CBR4: variants seen among roughly 807,000 people sequenced by gnomAD.
CBR4 encodes 3-oxoacyl-[acyl-carrier-protein] reductase.
A neutral mutation model predicts 21.0 loss-of-function variants in CBR4; 22 were observed. That is an observed-to-expected ratio of 1.05 (90% confidence interval 0.75 to 1.50). The LOEUF (loss-of-function observed/expected upper bound fraction) is 1.50. Ranked by LOEUF, CBR4 falls within the 40% of genes most tolerant of loss-of-function variation. The pLI is 0.00. For synonymous variants in CBR4, 100 were observed against 104.4 expected, an observed-to-expected ratio of 0.96 and a Z score of 0.26; for missense variants, 302 against 286.3, an observed-to-expected ratio of 1.05 and a Z score of -0.40.
intron 2 of CBR4, among the ~76,000 whole-genome samples, chr4:168,973,472 C>G (rs1764275690): frequency 6.6e-6 from 1 of 152,184 alleles, no homozygotes; most frequent in Non-Finnish European, 1.5e-5. Context: ...GGATTACAGG[C>G]ACCTGCCACC....
Position 168,924,275 on chromosome 4 carries a change from C to G in CBR4, n.170-29510G>C, listed in dbSNP as rs1762157666. 6.2e-7 allele frequency: 1 copy of G among 1,613,946 alleles called. No homozygotes were observed. The highest frequency in any genetic ancestry group is 1.1e-5 in the South Asian group (1 of 91,082). On this transcript the variant is annotated intron_variant and non_coding_transcript_variant, in intron 2 of 3. Transcript: ENST00000509108. The stretch of plus-strand genomic sequence containing the variant: ...CTTAGCTAAAGAAGCACACAAACCC[C>G]CTGTGTTTATTGAGAAGCTCCAAAA...
chr4:168,987,387 C>CA (rs993034726), downstream of CBR4, among the ~76,000 whole-genome samples: 3 of 152,164 alleles, frequency 2.0e-5, no homozygotes, highest in Non-Finnish European at 2.9e-5. Context: ...CCAATATACT[C>CA]AGAGATGAGT....
rs1456371399 is a variant in CBR4, at chr4:168,989,286, C to CAGGAT, written c.*863_*864insATCCT. ...CTAAGTTTTTCATGAATAAAAAACACATCCTAAGTTCATGAAATCTGTGCG... is the reference window on the plus strand; with the variant it reads ...CTAAGTTTTTCATGAATAAAAAACACAGGATATCCTAAGTTCATGAAATCTGTGCG... On this transcript the variant is annotated 3_prime_UTR_variant, in exon 5 of 5. Coordinates refer to ENST00000306193, the MANE Select transcript of CBR4 (RefSeq NM_032783.5). 2.7e-5 allele frequency: 27 copies of CAGGAT among 985,224 alleles called. No individual in the cohort carries two copies. The African/African-American group carries it at 4.5e-4, about 17-fold the overall frequency. The allele number at this position is 985,224 out of a possible 1,614,324, so 61.0% of individuals were successfully genotyped here.
chr4:168,999,051 C>A (rs1315385860), intron 4 of CBR4, among the ~76,000 whole-genome samples: 3 of 152,010 alleles, frequency 2.0e-5, no homozygotes, highest in African/African-American at 4.8e-5. Flanking sequence ...AATATTATTT[C>A]TAATATTCAA....
intron 2 of CBR4, among the ~76,000 whole-genome samples, chr4:168,895,743 C>G (rs1172799328): frequency 6.6e-6 from 1 of 152,118 alleles, no homozygotes; most frequent in African/African-American, 2.4e-5. Flanking sequence ...TGGACCCATG[C>G]AGTTCAAACC....
intron 2 of CBR4, among the ~76,000 whole-genome samples, chr4:168,931,012 C>T (rs1025972395): frequency 6.6e-6 from 1 of 152,188 alleles, no homozygotes; most frequent in Non-Finnish European, 1.5e-5. Flanking sequence ...TGTCATTCCA[C>T]CAAGCACACA....
intron 2 of CBR4, among the ~76,000 whole-genome samples, chr4:168,910,614 G>T (rs1725697442): frequency 6.6e-6 from 1 of 152,126 alleles, no homozygotes. Flanking sequence ...ACACAATGCT[G>T]CCCGGTGCTT....
At chr4:169,006,261 C>A (rs1374875205) in intron 3 of CBR4, among the ~76,000 whole-genome samples, 1 of 152,090 alleles carries the variant, frequency 6.6e-6, no homozygotes, top group African/African-American at 2.4e-5. Context: ...CCTCTATAAT[C>A]CCAGCACTTC....
At chr4:168,963,855 A>G (rs1362333577) in intron 2 of CBR4, among the ~76,000 whole-genome samples, 2 of 152,184 alleles carry the variant, frequency 1.3e-5, no homozygotes, top group African/African-American at 2.4e-5. Flanking sequence ...AAAAGCGCCT[A>G]TGGGAGTATA....
intron 2 of CBR4, among the ~76,000 whole-genome samples, chr4:168,895,065 G>A (rs1197493486): frequency 1.3e-5 from 2 of 152,124 alleles, no homozygotes; most frequent in African/African-American, 4.8e-5. Flanking sequence ...CGGGAGTTAG[G>A]GGGACCAACC....
At chr4:168,908,412 C>A (rs1758252957) in intron 2 of CBR4, among the ~76,000 whole-genome samples, 1 of 152,154 alleles carries the variant, frequency 6.6e-6, no homozygotes, top group Non-Finnish European at 1.5e-5. Flanking sequence ...AGCTTTACAA[C>A]ATCTATTACC....
chr4:168,993,132 G>A (rs908255357), intron 4 of CBR4, among the ~76,000 whole-genome samples: 8 of 151,650 alleles, frequency 5.3e-5, no homozygotes, highest in Admixed American at 4.6e-4. Context: ...ATAATCAACA[G>A]GCAATCCAAT....
chr4:168,941,950 G>A lies in CBR4; in HGVS notation n.170-47185C>T, dbSNP rs575404847. On this transcript the variant is annotated intron_variant and non_coding_transcript_variant, in intron 2 of 3. Transcript: ENST00000509108. ...ATGCACATGTATGTTTACTGCAGCC[G>A]TATTTACAGTAGCAAAGACTTGGGA... Among the ~76,000 whole-genome samples the A allele has an allele frequency of 6.4e-4, 98 of 152,160 alleles. 1 individual carries two copies. Among genetic ancestry groups the A allele is most frequent in the African/African-American group, 2.1e-3 (87 of 41,522 alleles).
chr4:168,985,131 A>G (rs1203473113), downstream of CBR4, among the ~76,000 whole-genome samples: 1 of 152,254 alleles, frequency 6.6e-6, no homozygotes, highest in Non-Finnish European at 1.5e-5. Context: ...ATGGGAGAAT[A>G]TATTTGCAAA....
chr4:168,980,068 G>A (rs1027559394), intron 2 of CBR4, among the ~76,000 whole-genome samples: 4 of 152,036 alleles, frequency 2.6e-5, no homozygotes. Context: ...TCCCTGGGGT[G>A]CAACCAAAAG....
chr4:168,934,168 C>G (rs1239120156), intron 2 of CBR4, among the ~76,000 whole-genome samples: 3 of 149,802 alleles, frequency 2.0e-5, no homozygotes, highest in African/African-American at 7.4e-5. Context: ...GGCCAGGTTG[C>G]TTTGAGGCCA....
At chr4:168,900,783 C>T (rs1756341692) in intron 2 of CBR4, among the ~76,000 whole-genome samples, 1 of 152,186 alleles carries the variant, frequency 6.6e-6, no homozygotes, top group South Asian at 2.1e-4. Context: ...TCTGCATTAA[C>T]AACTGTGTAT....
intron 4 of CBR4, among the ~76,000 whole-genome samples, chr4:168,996,936 C>G (rs1373665261): frequency 1.3e-5 from 2 of 152,162 alleles, no homozygotes; most frequent in African/African-American, 2.4e-5. Flanking sequence ...TATCATGTAT[C>G]ACAGACCTGA....
rs770119305 is a variant in CBR4 at position 168,935,993 on chromosome 4, C to T, written n.170-41228G>A. 4.9e-4 allele frequency among the ~76,000 whole-genome samples: 75 copies of T among 152,326 alleles called. 1 individual carries two copies. Among genetic ancestry groups the T allele is most frequent in the Admixed American group, 4.0e-3 (61 of 15,310 alleles). The stretch of plus-strand genomic sequence containing the variant: ...GAGACACCTCCTGACTGGGAGACGC[C>T]TCCCAGCAGGGGTCGACAGACATCT... On this transcript the variant is annotated intron_variant and non_coding_transcript_variant, in intron 2 of 3. Transcript: ENST00000509108.
Sources: allele counts gnomAD v4.1 joint callset (sites outside exome capture counted in the v4.1 genomes callset), GRCh38; gene constraint gnomAD v4.1.1; transcripts MANE v1.5; gene names NCBI Gene and HGNC (gene_info 2026-07-23, HGNC 2026-07-21).